Variants in KIF26B observed in about 807,000 individuals in gnomAD.
KIF26B encodes kinesin family member 26B, also known as kinesin-like protein KIF26B.
Under a neutral mutation model 151.2 loss-of-function variants are expected in KIF26B, and 63 were observed. That is an observed-to-expected ratio of 0.42 (90% confidence interval 0.34 to 0.51). The LOEUF is 0.51. Among genes scored for constraint, KIF26B ranks in the 20% least tolerant of loss-of-function variants. The probability of loss-of-function intolerance (pLI) is 0.07; values close to 1 mark genes in which losing one functional copy is unlikely to be tolerated. For synonymous variants in KIF26B, 1,357 were observed against 1,262.1 expected (o/e 1.08, Z -1.59); for missense variants, 2,813 against 2,913.6 (o/e 0.97, Z 0.79).
At chr1:245,197,041 CG>C (rs1669208034) in intron 2 of KIF26B, among the ~76,000 whole-genome samples, 1 of 152,146 alleles carries the variant, frequency 6.6e-6, no homozygotes, top group South Asian at 2.1e-4. Context: ...TTGGCAAGTG[CG>C]TCGAGCCACT....
At chr1:245,301,539 G>A (rs577590723) in intron 2 of KIF26B, among the ~76,000 whole-genome samples, 5 of 152,280 alleles carry the variant, frequency 3.3e-5, no homozygotes, top group East Asian at 1.9e-4. Context: ...TACTCTGGGG[G>A]TTGGACCCAG....
At chr1:245,637,248 A>C (rs1286109366) in intron 9 of KIF26B, among the ~76,000 whole-genome samples, 1 of 151,954 alleles carries the variant, frequency 6.6e-6, no homozygotes, top group African/African-American at 2.4e-5. Context: ...TTTGATTTGC[A>C]CTTTCCTGAT....
At chr1:245,184,976 A>G (rs1258477817) in intron 2 of KIF26B, among the ~76,000 whole-genome samples, 4 of 152,196 alleles carry the variant, frequency 2.6e-5, no homozygotes, top group Non-Finnish European at 5.9e-5. Flanking sequence ...GCCCAGTACA[A>G]TGGGAGATCA....
At chr1:245,542,155 C>A (rs1254888193) in intron 5 of KIF26B, among the ~76,000 whole-genome samples, 2 of 152,170 alleles carry the variant, frequency 1.3e-5, no homozygotes, top group Non-Finnish European at 2.9e-5. Flanking sequence ...GAGTTCAAGA[C>A]CAGCCTGGGT....
chr1:245,272,713 T>A (rs937773773), intron 2 of KIF26B, among the ~76,000 whole-genome samples: 1 of 152,166 alleles, frequency 6.6e-6, no homozygotes, highest in Non-Finnish European at 1.5e-5. Flanking sequence ...GGTTTTGGTG[T>A]GTTGTATTTT....
chr1:245,651,410 C>T (rs1048271824), intron 10 of KIF26B, among the ~76,000 whole-genome samples: 4 of 152,198 alleles, frequency 2.6e-5, no homozygotes, highest in Admixed American at 6.5e-5. Flanking sequence ...GCAGGAACTT[C>T]AGGACGAGCC....
At position 245,540,842 on chromosome 1, in the gene KIF26B, G is replaced by C; in HGVS notation, c.1242G>C (p.Pro414=). Residue 414 remains proline, a synonymous_variant, in exon 5 of 15, where the codon CCG becomes CCC. Transcript: ENST00000407071. This position sits in a 1 kb window ranked among gnomAD's most constrained non-coding sequence, Gnocchi z 4.6. ...CCACTTCTTCCGCTGCCGAACCACC[G>C]CTCTTTGCAACCAGCTTCAGTGGGA... ...RPSTSSAAEP[P]LFATSFSGIL... 1 of 1,613,876 alleles carries C rather than the reference G, an allele frequency of 6.2e-7. No homozygotes were observed. Among genetic ancestry groups the C allele is most frequent in the Non-Finnish European group, 8.5e-7 (1 of 1,179,854 alleles).
intron 3 of KIF26B, among the ~76,000 whole-genome samples, chr1:245,381,882 C>T (rs1399945360): frequency 1.3e-5 from 2 of 152,130 alleles, no homozygotes; most frequent in Non-Finnish European, 2.9e-5. Flanking sequence ...AAGTTTCATC[C>T]GTATTGTGTC....
At chr1:245,232,606 A>G (rs964395059) in intron 2 of KIF26B, among the ~76,000 whole-genome samples, 1 of 149,824 alleles carries the variant, frequency 6.7e-6, no homozygotes, top group Non-Finnish European at 1.5e-5. Context: ...GCAGGAGTAC[A>G]GTGGTGCGAT....
chr1:245,454,300 T>G (rs1659464003), intron 4 of KIF26B, among the ~76,000 whole-genome samples: 1 of 152,220 alleles, frequency 6.6e-6, no homozygotes, highest in Admixed American at 6.5e-5. Flanking sequence ...TAACATTGCC[T>G]TCTTACTTTT....
At chr1:245,348,948 G>T (rs1411229313) in intron 2 of KIF26B, among the ~76,000 whole-genome samples, 1 of 152,142 alleles carries the variant, frequency 6.6e-6, no homozygotes, top group Non-Finnish European at 1.5e-5. Context: ...TGAGCATGCT[G>T]TGGAAAAGGG....
chr1:245,540,712 T>C lies in KIF26B; in HGVS notation c.1167-55T>C. 1.3e-6 allele frequency: 2 copies of C among 1,491,268 alleles called. No individual in the cohort carries two copies. The highest frequency in any genetic ancestry group is 9.4e-7 in the Non-Finnish European group (1 of 1,067,924). The allele number at this position is 1,491,268 out of a possible 1,614,324, so 92.4% of individuals were successfully genotyped here. On this transcript the variant is annotated intron_variant, in intron 4 of 14. Transcript: ENST00000407071. This position sits in a 1 kb window ranked among gnomAD's most constrained non-coding sequence, Gnocchi z 4.6. ...TGTTTAAGAGAAAACGAAGTAAGCC[T>C]AGCAGATCTGATCGTACAATCATTT...
rs1325412458 is a variant in KIF26B, at chr1:245,512,863, C to CA, written c.1167-27899dup. 2.0e-5 allele frequency among the ~76,000 whole-genome samples: 3 copies of CA among 151,972 alleles called. No homozygotes were observed. The highest frequency in any genetic ancestry group is 7.3e-5 in the African/African-American group (3 of 41,364). On this transcript the variant is annotated intron_variant, in intron 4 of 14. Transcript: ENST00000407071. This position sits in a 1 kb window ranked among gnomAD's most constrained non-coding sequence, Gnocchi z 4.3. ...TTGAAGCAGAGTGGAAAACCTAGAG[C>CA]AAAAATCATGCCGGGGAAAGGAAAA...
At chr1:245,405,929 A>G (rs2103029270) in intron 3 of KIF26B, among the ~76,000 whole-genome samples, 2 of 152,282 alleles carry the variant, frequency 1.3e-5, no homozygotes, top group South Asian at 4.1e-4. Flanking sequence ...CTCTGAAACA[A>G]TTCTTGTTCA....
At chr1:245,676,323 T>C (rs1385383619) in intron 10 of KIF26B, 1 of 152,212 alleles carries the variant, frequency 6.6e-6, no homozygotes, top group African/African-American at 2.4e-5. Context: ...ATGATGTTCA[T>C]TGTTCTAGGT....
Position 245,176,815 on chromosome 1 carries a change from T to A in KIF26B, c.465+20132T>A, listed in dbSNP as rs557431086. On this transcript the variant is annotated intron_variant, in intron 2 of 14. Coordinates refer to ENST00000407071, the MANE Select transcript of KIF26B (RefSeq NM_018012.4). ...GTCATGTTTACTTTTGAATATAACC[T>A]GGGATGAAGCATTTATCAGCCTCTG... Among the ~76,000 whole-genome samples, 24 of 152,322 alleles carry A rather than the reference T, an allele frequency of 1.6e-4. 1 individual carries two copies. The highest frequency in any genetic ancestry group is 4.8e-4 in the African/African-American group (20 of 41,564).
chr1:245,530,936 CTG>C (rs1661344945), intron 4 of KIF26B, among the ~76,000 whole-genome samples: 1 of 152,190 alleles, frequency 6.6e-6, no homozygotes, highest in African/African-American at 2.4e-5. Flanking sequence ...TCCCGGAACA[CTG>C]AGATTCGTTT....
In KIF26B at chr1:245,367,031, G is replaced by A. The variant is rs746505962; in HGVS notation, c.663G>A (p.Pro221=). 34 of 1,610,546 alleles carry A rather than the reference G, an allele frequency of 2.1e-5. No homozygotes were observed. Among genetic ancestry groups the A allele is most frequent in the Admixed American group, 1.8e-4 (11 of 59,528 alleles). The change falls in exon 3 of 15, where the codon CCG becomes CCA. Residue 221 remains proline (P), a synonymous_variant. Coordinates refer to ENST00000407071, the MANE Select transcript of KIF26B (RefSeq NM_018012.4). The surrounding 1 kb of genome is among the most constrained non-coding windows in gnomAD (Gnocchi z 4.2). ...ACTACGACGCCTCGCCCTGCTCCCC[G>A]CCACCGCTCTCCAACATCCCCACCC... is the stretch of plus-strand genomic sequence containing the variant. ...SEHYDASPCS[P]PPLSNIPTLV...
chr1:245,592,197 G>A (rs2043295263), intron 5 of KIF26B, among the ~76,000 whole-genome samples: 1 of 152,088 alleles, frequency 6.6e-6, no homozygotes, highest in South Asian at 2.1e-4. Context: ...TGATGGCATC[G>A]CTGCTCATTA....
Sources: gnomAD v4.1 joint callset for allele counts (sites outside exome capture counted in the v4.1 genomes callset) on GRCh38, gnomAD v4.1.1 for gene constraint, Gnocchi (gnomAD v3.1) non-coding constraint, MANE v1.5 for transcripts, NCBI Gene and HGNC (gene_info 2026-07-23, HGNC 2026-07-21) for gene names.